The following MAP7D3 variants were observed in gnomAD, a reference collection of about 807,000 sequenced individuals.
The protein encoded by MAP7D3 is MAP7 domain containing 3, also known as MAP7 domain-containing protein 3.
MAP7D3 carries 45 observed loss-of-function variants against 62.2 expected under a neutral mutation model. The observed-to-expected ratio is 0.72, with a 90% CI of 0.57 to 0.93. The LOEUF is 0.93. Among genes scored for constraint, MAP7D3 ranks in the 40% least tolerant of loss-of-function variants. MAP7D3 has a pLI of 0.00. For missense variants in MAP7D3, 711 were observed against 683.1 expected, an observed-to-expected ratio of 1.04 and a Z score of -0.45; for synonymous variants, 288 against 248.8, an observed-to-expected ratio of 1.16 and a Z score of -1.48.
chrX:136,236,163 T>C (rs776982515), intron 7 of MAP7D3, 81 bp downstream of exon 7: 290 of 626,261 alleles, frequency 4.6e-4, no homozygotes, highest in Non-Finnish European at 7.0e-4. Flanking sequence ...ATTTTGGGAA[T>C]GATTTTTCAA....
In MAP7D3 at chrX:136,231,987, T is replaced by C; in HGVS notation, c.970A>G (p.Lys324Glu). ...FCNTSMEASP[K>E]AGVGMAPEVS... ...TCAGGGGCCATGCCCACACCTGCCT[T>C]GGGGGACGCTTCCATGCTTGTGTTG... Residue 324 changes from lysine (K) to glutamate (E), a missense_variant, in exon 8 of 19, where the codon AAG becomes GAG. Lys to Glu is a moderately conservative substitution (Grantham distance 56, BLOSUM62 1). Coordinates refer to ENST00000316077, the MANE Select transcript of MAP7D3 (RefSeq NM_024597.4). 2 of 1,211,288 alleles carry C rather than the reference T, an allele frequency of 1.7e-6. No individual in the cohort carries two copies. Among genetic ancestry groups the C allele is most frequent in the Non-Finnish European group, 1.1e-6 (1 of 895,247 alleles).
rs377107466 is a variant in MAP7D3, at chrX:136,236,336, T to C, written c.644A>G (p.Lys215Arg). Residue 215 changes from lysine (K) to arginine (R), a missense_variant, in exon 7 of 19, where the codon AAA becomes AGA. Lys to Arg is a conservative substitution (Grantham distance 26). Transcript: ENST00000316077. ...AGATGAGCTTCTCTCCTTGTCTGTT[T>C]TCCCTAGAGAGCAAGTACAAAAGGA... ...AGLQNSVAKRKTDKERSSSLN... is the reference protein window; with the variant it reads ...AGLQNSVAKRRTDKERSSSLN... 3 of 1,119,829 alleles carry C rather than the reference T, an allele frequency of 2.7e-6. No individual in the cohort carries two copies. In the African/African-American group the frequency reaches 5.4e-5, roughly 20 times the overall value. The allele number at this position is 1,119,829 out of a possible 1,213,427, so 92.3% of individuals were successfully genotyped here.
intron 10 of MAP7D3, among the ~76,000 whole-genome samples, chrX:136,229,376 G>A (rs1429131092): frequency 9.0e-6 from 1 of 111,258 alleles, no homozygotes; most frequent in Admixed American, 9.6e-5. Context: ...GACATATCAG[G>A]AATGAATAAT....
At position 136,245,652 on chromosome X, in the gene MAP7D3, C is replaced by T. The variant is rs1215266085; in HGVS notation, c.253+413G>A. Among the ~76,000 whole-genome samples the T allele has an allele frequency of 2.7e-5, 3 of 110,019 alleles. No homozygotes were observed. In the East Asian group the frequency reaches 8.5e-4, roughly 31 times the overall value. On this transcript the variant is annotated intron_variant, in intron 3 of 18. Coordinates refer to ENST00000316077, the MANE Select transcript of MAP7D3 (RefSeq NM_024597.4). Reference sequence around the variant, plus strand: ...GTCCCAGTTACTCGGGAGGCTGAGGCAGGAGAATGGCATGAACCCGGGAGG... The same window carrying T: ...GTCCCAGTTACTCGGGAGGCTGAGGTAGGAGAATGGCATGAACCCGGGAGG...
At chrX:136,247,256 C>T (rs940547661) in intron 1 of MAP7D3, among the ~76,000 whole-genome samples, 1 of 112,072 alleles carries the variant, frequency 8.9e-6, no homozygotes. Flanking sequence ...AATCCCTGAA[C>T]CCTTTAATTC....
chrX:136,215,047 C>A (rs540525994), downstream of MAP7D3: 2 of 111,852 alleles, frequency 1.8e-5, no homozygotes, highest in South Asian at 7.5e-4. Flanking sequence ...GTGTCTAGTT[C>A]GTGCTGATTT....
chrX:136,222,482 G>T lies in MAP7D3; in HGVS notation c.2198C>A (p.Thr733Lys), dbSNP rs750911192. Residue 733 changes from threonine to lysine, a missense_variant, in exon 15 of 19, where the codon ACA becomes AAA. Thr to Lys is a moderately conservative substitution (Grantham distance 78). Transcript: ENST00000316077. The stretch of plus-strand genomic sequence containing the variant: ...ATATATGTCATGGCTGGATGTTTCT[G>T]TGACCTACGATTAAAAAAGGAAATC... ...RKTDVNASKV[T>K]ETSSHDIYEE... is the part of the protein sequence containing the mutation. 1.7e-6 allele frequency: 2 copies of T among 1,191,888 alleles called. No individual in the cohort carries two copies. The highest frequency in any genetic ancestry group is 3.0e-5 in the East Asian group (1 of 33,775).
chrX:136,252,813 C>G (rs1046043397), upstream of MAP7D3, among the ~76,000 whole-genome samples: 1 of 111,159 alleles, frequency 9.0e-6, no homozygotes, highest in Non-Finnish European at 1.9e-5. Flanking sequence ...AGTGGGGGGC[C>G]AGGCACGGTG....
chrX:136,222,903 A>T (rs1202413272), intron 14 of MAP7D3, among the ~76,000 whole-genome samples: 2 of 107,309 alleles, frequency 1.9e-5, no homozygotes, highest in Admixed American at 1.0e-4. Context: ...GTGCAGTGGC[A>T]CGATCATAGC....
chrX:136,232,241 A>T (rs761637198), intron 7 of MAP7D3, 21 bp from the exon 8 acceptor site: 4 of 1,082,904 alleles, frequency 3.7e-6, no homozygotes, highest in Non-Finnish European at 5.0e-6. Context: ...ACAGAGCATG[A>T]AATTCCCTAA....
rs111396219 is a variant in MAP7D3 at position 136,221,113 on chromosome X, A to G, written c.2288-150T>C. 3.3e-4 allele frequency: 158 copies of G among 473,820 alleles called. 1 individual carries two copies. The highest frequency in any genetic ancestry group is 3.1e-3 in the African/African-American group (129 of 41,397). The allele number at this position is 473,820 out of a possible 1,213,427, so 39.0% of individuals were successfully genotyped here. On this transcript the variant is annotated intron_variant, in intron 15 of 18. Transcript: ENST00000316077. ...AGCAGTACTCCTGGGAGGCAGGCCC[A>G]GCAGTCACAGAGTTTCCCAAGCCAT...
intron 6 of MAP7D3, among the ~76,000 whole-genome samples, chrX:136,238,763 A>G (rs934545402): frequency 8.9e-6 from 1 of 111,996 alleles, no homozygotes; most frequent in Non-Finnish European, 1.9e-5. Context: ...AACATAATGT[A>G]AGTTGGAACA....
At position 136,236,244 on chromosome X, in the gene MAP7D3, C is replaced by A. The variant is rs865912308; in HGVS notation, c.736G>T (p.Val246Phe). Residue 246 changes from valine (V) to phenylalanine (F), a missense_variant and splice_region_variant, in exon 7 of 19, where the codon GTT (valine) becomes TTT (phenylalanine). By Grantham distance (50) the Val-to-Phe change is conservative (BLOSUM62 -1). Coordinates refer to ENST00000316077, the MANE Select transcript of MAP7D3 (RefSeq NM_024597.4). ...DKEQAERKPR[V>F]TGVTNYVMQY... ...AAATTTGTATTTAGAAGTAACTAAC[C>A]ACGTGGCTTCCTTTCGGCTTGTTCT... The A allele has an allele frequency of 1.8e-6, 2 of 1,136,165 alleles. No individual in the cohort carries two copies. Among genetic ancestry groups the A allele is most frequent in the East Asian group, 6.1e-5 (2 of 32,876 alleles). The allele number at this position is 1,136,165 out of a possible 1,213,427, so 93.6% of individuals were successfully genotyped here. A position where few individuals can be genotyped will look rare whatever the true frequency, so the allele number is the denominator to read the frequency against.
chrX:136,221,284 C>T (rs2074124567), intron 15 of MAP7D3, among the ~76,000 whole-genome samples: 2 of 112,121 alleles, frequency 1.8e-5, no homozygotes, highest in Admixed American at 9.4e-5. Context: ...CTCCCCTGAT[C>T]ACTCACCTAG....
At chrX:136,225,541 T>C (rs2074184868) in intron 13 of MAP7D3, among the ~76,000 whole-genome samples, 1 of 112,032 alleles carries the variant, frequency 8.9e-6, no homozygotes, top group African/African-American at 3.2e-5. Flanking sequence ...GGCCTACAGT[T>C]TGTGCTTCTC....
chrX:136,229,991 A>T (rs879986374), intron 10 of MAP7D3, among the ~76,000 whole-genome samples: 6,762 of 50,843 alleles, frequency 0.13, 547 homozygotes, highest in Admixed American at 0.16. Flanking sequence ...ATATATATAT[A>T]TATTTTTTTT....
rs750849881 is a variant in MAP7D3 at position 136,231,622 on chromosome X, C to T, written c.1335G>A (p.Met445Ile). 6 of 1,208,497 alleles carry T rather than the reference C, an allele frequency of 5.0e-6. No individual in the cohort carries two copies. The African/African-American group carries it at 8.8e-5, about 18-fold the overall frequency. Reference sequence around the variant, plus strand: ...GGGATGTCTTGGGGGATGCTTTCACCATCGCCTCAGGAGATGCCTCCATGC... The same window carrying T: ...GGGATGTCTTGGGGGATGCTTTCACTATCGCCTCAGGAGATGCCTCCATGC... ...KESMEASPEA[M>I]VKASPKTSLE... The change falls in exon 8 of 19, where the codon ATG (methionine) becomes ATA (isoleucine). Residue 445 changes from methionine (M) to isoleucine (I), a missense_variant. Transcript: ENST00000316077.
At chrX:136,229,993 A>ATATATATATT (rs1210531192) in intron 10 of MAP7D3, among the ~76,000 whole-genome samples, 1 of 48,126 alleles carries the variant, frequency 2.1e-5, no homozygotes, top group Non-Finnish European at 3.5e-5. Context: ...ATATATATAT[A>ATATATATATT]TTTTTTTTTT....
chrX:136,253,379 T>G (rs760583475), upstream of MAP7D3, among the ~76,000 whole-genome samples: 1 of 112,143 alleles, frequency 8.9e-6, no homozygotes, highest in East Asian at 2.8e-4. Context: ...AACCCAAATC[T>G]AATAATGAAG....
Sources: allele counts gnomAD v4.1 joint callset (sites outside exome capture counted in the v4.1 genomes callset), GRCh38; gene constraint gnomAD v4.1.1; transcripts MANE v1.5; gene names NCBI Gene and HGNC (gene_info 2026-07-23, HGNC 2026-07-21).